The following UBXN2B variants were observed in gnomAD, a reference collection of about 807,000 sequenced individuals.
The protein encoded by UBXN2B is UBX domain protein 2B.
Under a neutral mutation model 37.5 loss-of-function variants are expected in UBXN2B, and 19 were observed. The observed-to-expected ratio is 0.51, with a 90% CI of 0.35 to 0.74. UBXN2B has a LOEUF of 0.74. Among genes scored for constraint, UBXN2B ranks in the 30% least tolerant of loss-of-function variants. UBXN2B has a pLI of 0.01. For missense variants in UBXN2B, 370 were observed against 393.2 expected (o/e 0.94, Z 0.50); for synonymous variants, 145 against 143.8 (o/e 1.01, Z -0.06).
intron 2 of UBXN2B, among the ~76,000 whole-genome samples, chr8:58,420,331 A>G (rs1450812080): frequency 2.6e-5 from 4 of 152,224 alleles, no homozygotes; most frequent in Admixed American, 1.3e-4. Flanking sequence ...TACATAAAGT[A>G]TTCTTTTAAT....
chr8:58,432,986 A>G lies in UBXN2B; in HGVS notation c.340-174A>G, dbSNP rs115263671. 4.7e-3 allele frequency among the ~76,000 whole-genome samples: 716 copies of G among 152,336 alleles called. 4 individuals are homozygous for G. Among genetic ancestry groups the G allele is most frequent in the African/African-American group, 0.016 (684 of 41,582 alleles). ...TTGGTTTTCATTTCATTATTCGTCA[A>G]TGGTTTGAAATGATCTTTTAGTCAA... On this transcript the variant is annotated intron_variant, in intron 3 of 7. Coordinates refer to ENST00000399598, the MANE Select transcript of UBXN2B (RefSeq NM_001077619.2).
intron 2 of UBXN2B, chr8:58,425,199 G>A: frequency 1.0e-6 from 1 of 953,956 alleles, no homozygotes; most frequent in African/African-American, 1.6e-5. Flanking sequence ...TGTGAGCGGT[G>A]CTTTCTCTGA....
At chr8:58,433,264 G>A (rs1808328482) in intron 4 of UBXN2B, 21 bp downstream of exon 4, 3 of 1,563,478 alleles carry the variant, frequency 1.9e-6, no homozygotes, top group Admixed American at 3.6e-5. Context: ...TAATCAAAAT[G>A]AAAAAGTATA....
chr8:58,413,071 A>C lies in UBXN2B; in HGVS notation c.84+1602A>C, dbSNP rs76829590. On this transcript the variant is annotated intron_variant, in intron 1 of 7. Coordinates refer to ENST00000399598, the MANE Select transcript of UBXN2B (RefSeq NM_001077619.2). ...ACCTGATTCTTGGCAAATTGTTTGC[A>C]GTCTTAATCCAGTGGATCAAAGTAC... Among the ~76,000 whole-genome samples, 429 of 152,350 alleles carry C rather than the reference A, an allele frequency of 2.8e-3. 4 individuals carry two copies. The highest frequency in any genetic ancestry group is 9.9e-3 in the African/African-American group (411 of 41,580).
rs549117231 is a variant in UBXN2B at position 58,439,616 on chromosome 8, T to C, written c.534-17T>C. On this transcript the variant is annotated splice_polypyrimidine_tract_variant and intron_variant, in intron 5 of 7. Coordinates refer to ENST00000399598, the MANE Select transcript of UBXN2B (RefSeq NM_001077619.2). ...TTGGAAAACTTAATGATAACTTTTTTCCCCCCTTTTTAAAAGAGAGATTCC... is the reference window on the plus strand; with the variant it reads ...TTGGAAAACTTAATGATAACTTTTTCCCCCCCTTTTTAAAAGAGAGATTCC... The C allele has an allele frequency of 7.6e-6, 12 of 1,587,886 alleles. No homozygotes were observed. The highest frequency in any genetic ancestry group is 1.9e-5 in the Admixed American group (1 of 52,500).
Position 58,430,554 on chromosome 8 carries a change from A to G in UBXN2B, c.224A>G (p.Asn75Ser). 1 of 1,604,116 alleles carries G rather than the reference A, an allele frequency of 6.2e-7. No individual in the cohort carries two copies. The highest frequency in any genetic ancestry group is 8.5e-7 in the Non-Finnish European group (1 of 1,174,558). Residue 75 changes from asparagine (N) to serine (S), a missense_variant, in exon 3 of 8, where the codon AAT becomes AGT. Physicochemically the swap from Asn to Ser is conservative, Grantham distance 46. Coordinates refer to ENST00000399598, the MANE Select transcript of UBXN2B (RefSeq NM_001077619.2). ...AGTGAACATGAATACAGTGGATTAAATATAGTTCGACCTTCAACTGGGAAA... is the reference window on the plus strand; with the variant it reads ...AGTGAACATGAATACAGTGGATTAAGTATAGTTCGACCTTCAACTGGGAAA... ...YSSEHEYSGL[N>S]IVRPSTGKIV...
In UBXN2B at chr8:58,428,938, C is replaced by G. The variant is rs138745059; in HGVS notation, c.189-1581C>G. ...AGAAAAAATAGTTCTTGTCCTCTAC[C>G]TTATACCACCTATAAACGTCAGTTC... On this transcript the variant is annotated intron_variant, in intron 2 of 7. Transcript: ENST00000399598. 2.6e-5 allele frequency among the ~76,000 whole-genome samples: 4 copies of G among 152,248 alleles called. No homozygotes were observed. The East Asian group carries it at 7.7e-4, about 29-fold the overall frequency.
chr8:58,411,505 GGACGCGGGCTGGTGAC>G, intron 1 of UBXN2B, 36 bp downstream of exon 1: 1 of 1,245,714 alleles, frequency 8.0e-7, no homozygotes, highest in Non-Finnish European at 1.0e-6. Context: ...GCGCGGCGGT[GGACGCGGGCTGGTGAC>G]GGCGCGGGCT....
Position 58,434,792 on chromosome 8 carries a change from A to C in UBXN2B, c.533+288A>C, listed in dbSNP as rs1487928376. The C allele has an allele frequency of 2.0e-6, 3 of 1,528,260 alleles. No homozygotes were observed. In the Admixed American group the frequency reaches 6.0e-5, roughly 31 times the overall value. 94.7% of individuals were successfully genotyped at this position (1,528,260 alleles called of 1,614,324 possible). On this transcript the variant is annotated intron_variant, in intron 5 of 7. Coordinates refer to ENST00000399598, the MANE Select transcript of UBXN2B (RefSeq NM_001077619.2). ...CCAAGAAGAAACATCTTAATGTGAT[A>C]ATCAGTGAATTAATTAGTATGTAGC...
rs894418796 is a variant in UBXN2B at position 58,425,950 on chromosome 8, C to T, written c.189-4569C>T. ...CAAAATCTCCAAGGTGGCTCTGGCT[C>T]TCTCATACAAGAAAACTACCATGTT... On this transcript the variant is annotated intron_variant, in intron 2 of 7. Coordinates refer to ENST00000399598, the MANE Select transcript of UBXN2B (RefSeq NM_001077619.2). 8 of 1,409,702 alleles carry T rather than the reference C, an allele frequency of 5.7e-6. No homozygotes were observed. The African/African-American group carries it at 1.1e-4, about 20-fold the overall frequency. The allele number at this position is 1,409,702 out of a possible 1,614,324, so 87.3% of individuals were successfully genotyped here. A position where few individuals can be genotyped will look rare whatever the true frequency, so the allele number is the denominator to read the frequency against.
chr8:58,418,321 T>C (rs1369913232), intron 2 of UBXN2B, among the ~76,000 whole-genome samples: 1 of 152,052 alleles, frequency 6.6e-6, no homozygotes, highest in African/African-American at 2.4e-5. Context: ...ACATATCTCT[T>C]ATAGCTTTTT....
At chr8:58,435,094 T>C (rs1272596620) in intron 5 of UBXN2B, 12 of 1,427,128 alleles carry the variant, frequency 8.4e-6, no homozygotes, top group Middle Eastern at 2.6e-4. Context: ...TTTTCTGTGT[T>C]ATGATTAAAC....
At chr8:58,421,911 T>G (rs1022561308) in intron 2 of UBXN2B, among the ~76,000 whole-genome samples, 2 of 152,240 alleles carry the variant, frequency 1.3e-5, no homozygotes, top group Non-Finnish European at 2.9e-5. Flanking sequence ...CAAGATCAGG[T>G]ATTTCCATTC....
chr8:58,440,953 T>C (rs1165899676), intron 6 of UBXN2B, among the ~76,000 whole-genome samples: 3 of 152,022 alleles, frequency 2.0e-5, no homozygotes, highest in African/African-American at 7.2e-5. Flanking sequence ...CTTGGAAATT[T>C]TCTCCCTCGT....
intron 2 of UBXN2B, chr8:58,424,837 C>G: frequency 7.0e-7 from 1 of 1,424,230 alleles, no homozygotes; most frequent in Non-Finnish European, 9.9e-7. Context: ...ATAGATAAAT[C>G]GGTACTGTGT....
intron 5 of UBXN2B, among the ~76,000 whole-genome samples, chr8:58,436,249 C>T (rs1585613758): frequency 6.6e-6 from 1 of 152,206 alleles, no homozygotes; most frequent in Non-Finnish European, 1.5e-5. Flanking sequence ...AAAGTACAAT[C>T]TTCCCTCACT....
At chr8:58,431,140 C>G (rs1702460516) in intron 3 of UBXN2B, among the ~76,000 whole-genome samples, 2 of 152,224 alleles carry the variant, frequency 1.3e-5, no homozygotes, top group Admixed American at 1.3e-4. Context: ...CATCCCTAAC[C>G]TCTAGCCAAT....
At chr8:58,428,222 T>A (rs529892209) in intron 2 of UBXN2B, among the ~76,000 whole-genome samples, 41 of 152,292 alleles carry the variant, frequency 2.7e-4, no homozygotes, top group Non-Finnish European at 5.0e-4. Context: ...AGATAATATG[T>A]TTAAGGTTTG....
chr8:58,415,728 AG>A (rs1807760400), intron 1 of UBXN2B, among the ~76,000 whole-genome samples: 1 of 152,082 alleles, frequency 6.6e-6, no homozygotes, highest in Non-Finnish European at 1.5e-5. Flanking sequence ...AAGATCACAC[AG>A]GAAGTGCCTA....
Sources: gnomAD v4.1 joint callset for allele counts (sites outside exome capture counted in the v4.1 genomes callset) on GRCh38, gnomAD v4.1.1 for gene constraint, MANE v1.5 for transcripts, NCBI Gene and HGNC (gene_info 2026-07-23, HGNC 2026-07-21) for gene names.